The following PLPPR1 variants were observed in gnomAD, a reference collection of about 807,000 sequenced individuals.
PLPPR1 encodes phospholipid phosphatase related 1, also known as phospholipid phosphatase-related protein type 1.
In PLPPR1, 10 loss-of-function variants were observed where a neutral mutation model predicts 33.1. That is an observed-to-expected ratio of 0.30 (90% confidence interval 0.19 to 0.51). PLPPR1 has a LOEUF of 0.51. Ranked by LOEUF, PLPPR1 falls within the 20% of genes least tolerant of loss-of-function variation. PLPPR1 has a pLI of 0.97. For missense variants in PLPPR1, 304 were observed against 408.1 expected, an observed-to-expected ratio of 0.74 and a Z score of 2.20; for synonymous variants, 151 against 151.0, an observed-to-expected ratio of 1.00 and a Z score of 0.00.
intron 6 of PLPPR1, among the ~76,000 whole-genome samples, chr9:101,316,658 T>C (rs1829057620): frequency 8.5e-6 from 1 of 118,022 alleles, no homozygotes; most frequent in African/African-American, 3.5e-5. Flanking sequence ...CAGTCAGTTA[T>C]GAAAAGACCT....
In PLPPR1 at chr9:101,051,089, C is replaced by T. The variant is rs551162763; in HGVS notation, c.-46+21987C>T. On this transcript the variant is annotated intron_variant, in intron 1 of 7. Transcript: ENST00000374874. The stretch of plus-strand genomic sequence containing the variant: ...ACTTTTCCAGCGTATCTCACTCTAT[C>T]GTCCCTTAAATGCTGATATTGATGA... Among the ~76,000 whole-genome samples the T allele has an allele frequency of 5.9e-5, 9 of 152,284 alleles. No individual in the cohort carries two copies. The South Asian group carries it at 1.2e-3, about 21-fold the overall frequency.
At chr9:101,160,462 C>A (rs1200774776) in intron 1 of PLPPR1, among the ~76,000 whole-genome samples, 4 of 152,068 alleles carry the variant, frequency 2.6e-5, no homozygotes, top group Non-Finnish European at 5.9e-5. Context: ...ATTCTTTGAT[C>A]AAAATGAGAG....
At chr9:101,030,339 G>C (rs565877650) in intron 1 of PLPPR1, among the ~76,000 whole-genome samples, 2 of 150,716 alleles carry the variant, frequency 1.3e-5, no homozygotes, top group Non-Finnish European at 2.9e-5. Context: ...TGACTGGAGG[G>C]GACGTACACT....
At chr9:101,285,978 C>T (rs1403644775) in intron 3 of PLPPR1, 126 bp from the exon 4 acceptor site, 8 of 648,866 alleles carry the variant, frequency 1.2e-5, no homozygotes, top group South Asian at 2.5e-5. Context: ...TCTAATTCAC[C>T]ATCTCTCTCC....
chr9:101,245,323 T>G (rs547806237), intron 2 of PLPPR1, among the ~76,000 whole-genome samples: 3 of 152,004 alleles, frequency 2.0e-5, no homozygotes, highest in Admixed American at 1.3e-4. Flanking sequence ...TATTGCAATA[T>G]AACGTGTGGT....
At position 101,185,501 on chromosome 9, in the gene PLPPR1, G is replaced by C. The variant is rs1458167241; in HGVS notation, c.7G>C (p.Val3Leu). Reference protein sequence around the residue: MAVGNNTQRSYSI... With the variant: MALGNNTQRSYSI... Reference sequence around the variant, plus strand: ...TTGCTATATGGTGTGAGAAATGGCTGTAGGAAACAACACTCAACGAAGTTA... The same window carrying C: ...TTGCTATATGGTGTGAGAAATGGCTCTAGGAAACAACACTCAACGAAGTTA... The change falls in exon 2 of 8, where the codon GTA (valine) becomes CTA (leucine). Residue 3 changes from valine (V) to leucine (L), a missense_variant. Val to Leu is a conservative substitution (Grantham distance 32). Coordinates refer to ENST00000374874, the MANE Select transcript of PLPPR1 (RefSeq NM_207299.2). The C allele has an allele frequency of 8.1e-6, 13 of 1,607,184 alleles. No homozygotes were observed. Among genetic ancestry groups the C allele is most frequent in the Non-Finnish European group, 1.1e-5 (13 of 1,175,234 alleles).
At chr9:101,263,104 G>T (rs181383872) in intron 2 of PLPPR1, among the ~76,000 whole-genome samples, 2 of 152,230 alleles carry the variant, frequency 1.3e-5, no homozygotes, top group African/African-American at 4.8e-5. Context: ...GTATACCTAT[G>T]TAACAAACCC....
At chr9:101,311,347 C>T (rs1828951903) in intron 5 of PLPPR1, among the ~76,000 whole-genome samples, 1 of 152,082 alleles carries the variant, frequency 6.6e-6, no homozygotes, top group Non-Finnish European at 1.5e-5. Context: ...TATAAGATTC[C>T]AATTGCATAA....
At chr9:101,315,205 A>G (rs1209210736) in intron 6 of PLPPR1, among the ~76,000 whole-genome samples, 1 of 151,968 alleles carries the variant, frequency 6.6e-6, no homozygotes, top group South Asian at 2.1e-4. Context: ...TTTCCATCTG[A>G]CTGTATTTTT....
chr9:101,282,887 T>A (rs75667604), intron 3 of PLPPR1, among the ~76,000 whole-genome samples: 12,031 of 152,096 alleles, frequency 0.079, 918 homozygotes, highest in African/African-American at 0.2. Flanking sequence ...GAAATTGGAG[T>A]TGCAAAAGAA....
intron 1 of PLPPR1, among the ~76,000 whole-genome samples, chr9:101,177,014 T>G (rs1328908692): frequency 6.6e-6 from 1 of 152,248 alleles, no homozygotes; most frequent in African/African-American, 2.4e-5. Flanking sequence ...TAAGTTTTAA[T>G]TACTGTAACT....
At chr9:101,046,947 G>T (rs948207505) in intron 1 of PLPPR1, among the ~76,000 whole-genome samples, 90 of 151,912 alleles carry the variant, frequency 5.9e-4, no homozygotes, top group African/African-American at 2.1e-3. Flanking sequence ...CCCTTCTTTG[G>T]TCACATTGAT....
At position 101,180,094 on chromosome 9, in the gene PLPPR1, TTATATATATATATATATATATATATATA is replaced by T. The variant is rs71507977; in HGVS notation, c.-45-5333_-45-5306del. Reference sequence around the variant, plus strand: ...GAGTTAATACTTAATAAACTCTCCTTTATATATATATATATATATATATATATATATATATATATATATATATATACAC... The same window carrying T: ...GAGTTAATACTTAATAAACTCTCCTTTATATATATATATATATATATACAC... On this transcript the variant is annotated intron_variant, in intron 1 of 7. Coordinates refer to ENST00000374874, the MANE Select transcript of PLPPR1 (RefSeq NM_207299.2). Among the ~76,000 whole-genome samples the T allele has an allele frequency of 2.6e-4, 16 of 62,024 alleles. No homozygotes were observed. In the East Asian group the frequency reaches 4.0e-3, roughly 16 times the overall value. 40.7% of individuals were successfully genotyped at this position (62,024 alleles called of 152,430 possible). A position where few individuals can be genotyped will look rare whatever the true frequency, so the allele number is the denominator to read the frequency against.
chr9:101,096,775 G>C (rs142904312), intron 1 of PLPPR1, among the ~76,000 whole-genome samples: 93 of 152,266 alleles, frequency 6.1e-4, no homozygotes, highest in African/African-American at 1.8e-3. Context: ...ATGGTTTTTA[G>C]AAAAGCTGGC....
chr9:101,249,809 G>T (rs1239732545), intron 2 of PLPPR1, among the ~76,000 whole-genome samples: 2 of 152,044 alleles, frequency 1.3e-5, no homozygotes, highest in African/African-American at 2.4e-5. Flanking sequence ...TAGAGAAGAT[G>T]CAACTCCTAG....
intron 2 of PLPPR1, among the ~76,000 whole-genome samples, chr9:101,260,304 C>T (rs773091076): frequency 6.6e-6 from 1 of 152,028 alleles, no homozygotes; most frequent in Non-Finnish European, 1.5e-5. Context: ...CATAGCTATA[C>T]CTTAGGATGG....
intron 1 of PLPPR1, among the ~76,000 whole-genome samples, chr9:101,064,124 A>G (rs1166212527): frequency 6.6e-6 from 1 of 152,136 alleles, no homozygotes. Context: ...CAGTCAGTGC[A>G]TCATTATTAC....
At chr9:101,082,360 G>T (rs1328703451) in intron 1 of PLPPR1, among the ~76,000 whole-genome samples, 2 of 151,900 alleles carry the variant, frequency 1.3e-5, no homozygotes, top group African/African-American at 2.4e-5. Context: ...TCTCTCTTCT[G>T]GTGAGAGTGA....
chr9:101,110,655 C>G (rs977523808), intron 1 of PLPPR1, among the ~76,000 whole-genome samples: 3 of 151,978 alleles, frequency 2.0e-5, no homozygotes, highest in Non-Finnish European at 4.4e-5. Context: ...TGAATACTCT[C>G]CAAGGGGTAT....
Sources: allele counts gnomAD v4.1 joint callset (sites outside exome capture counted in the v4.1 genomes callset), GRCh38; gene constraint gnomAD v4.1.1; transcripts MANE v1.5; gene names NCBI Gene and HGNC (gene_info 2026-07-23, HGNC 2026-07-21).